The following GLT1D1 variants were observed in gnomAD, a reference collection of about 807,000 sequenced individuals.
GLT1D1 encodes glycosyltransferase 1 domain-containing protein 1.
GLT1D1 carries 21 observed loss-of-function variants against 28.7 expected under a neutral mutation model. The ratio of observed to expected loss-of-function variants is 0.73; its 90% CI spans 0.52 to 1.05. The LOEUF is 1.05. GLT1D1 is among the 50% of genes least tolerant of loss of function. The pLI, the probability that GLT1D1 is intolerant of heterozygous loss-of-function variation, is 0.00. For synonymous variants in GLT1D1, 147 were observed against 124.8 expected, an observed-to-expected ratio of 1.18 and a Z score of -1.19; for missense variants, 343 against 330.6, an observed-to-expected ratio of 1.04 and a Z score of -0.29.
intron 2 of GLT1D1, among the ~76,000 whole-genome samples, chr12:128,880,675 A>G (rs538274): frequency 0.014 from 2,132 of 152,292 alleles, 57 homozygotes; most frequent in African/African-American, 0.049. Context: ...CATACACTAC[A>G]CATTTCTTAG....
At chr12:128,934,092 T>G (rs571466511) in intron 4 of GLT1D1, among the ~76,000 whole-genome samples, 6 of 152,160 alleles carry the variant, frequency 3.9e-5, no homozygotes, top group African/African-American at 1.4e-4. Flanking sequence ...GAACACACCC[T>G]TTAGGTATCA....
chr12:128,913,712 C>T (rs1415651365), intron 4 of GLT1D1, among the ~76,000 whole-genome samples: 1 of 152,240 alleles, frequency 6.6e-6, no homozygotes, highest in Admixed American at 6.5e-5. Flanking sequence ...ATCCTGTCAT[C>T]ACCGTGTCCT....
chr12:128,883,835 G>A (rs944670718), intron 2 of GLT1D1, among the ~76,000 whole-genome samples: 20 of 152,120 alleles, frequency 1.3e-4, no homozygotes, highest in Admixed American at 2.6e-4. Flanking sequence ...ATTAGAGCAA[G>A]GGGTGCAGAC....
chr12:128,875,822 C>CA (rs11444853), intron 1 of GLT1D1, 92 bp from the exon 2 acceptor site: 127,987 of 994,422 alleles, frequency 0.13, 1,517 homozygotes, highest in South Asian at 0.18. Context: ...CAACAACAAC[C>CA]AAAAAAAAAA....
chr12:128,969,107 CTCTCTCTGTCTCTGTTTCTGTAG>C, intron 7 of GLT1D1, among the ~76,000 whole-genome samples: 1 of 151,704 alleles, frequency 6.6e-6, no homozygotes, highest in African/African-American at 2.4e-5. Flanking sequence ...CTGTCTGTGT[CTCTCTCTGTCTCTGTTTCTGTAG>C]CCTTCCTCCC....
chr12:128,961,815 C>T (rs1401667113), intron 7 of GLT1D1, among the ~76,000 whole-genome samples: 1 of 152,210 alleles, frequency 6.6e-6, no homozygotes, highest in Non-Finnish European at 1.5e-5. Context: ...CACCAGCTAT[C>T]TGGACATCCC....
intron 7 of GLT1D1, among the ~76,000 whole-genome samples, chr12:128,975,055 ACCT>A (rs1879634332): frequency 6.6e-6 from 1 of 151,802 alleles, no homozygotes; most frequent in Non-Finnish European, 1.5e-5. Context: ...GCACCTGCAA[ACCT>A]CCTTCCTCAT....
intron 6 of GLT1D1, among the ~76,000 whole-genome samples, chr12:128,955,166 A>G (rs12820284): frequency 0.12 from 18,490 of 152,126 alleles, 1,325 homozygotes; most frequent in South Asian, 0.18. Context: ...CTTCCCTTAC[A>G]AATGTGATTA....
intron 6 of GLT1D1, among the ~76,000 whole-genome samples, chr12:128,948,631 T>G (rs1876373364): frequency 6.6e-6 from 1 of 152,250 alleles, no homozygotes; most frequent in Non-Finnish European, 1.5e-5. Flanking sequence ...CTTATGTCAG[T>G]GTCTACTTAG....
intron 6 of GLT1D1, among the ~76,000 whole-genome samples, chr12:128,954,809 C>T (rs1299444695): frequency 6.6e-6 from 1 of 152,082 alleles, no homozygotes; most frequent in Non-Finnish European, 1.5e-5. Flanking sequence ...AAAACATTAG[C>T]TGAGGATGGT....
chr12:128,871,933 T>A (rs556917138), intron 1 of GLT1D1, among the ~76,000 whole-genome samples: 141 of 152,164 alleles, frequency 9.3e-4, no homozygotes, highest in African/African-American at 2.3e-3. Flanking sequence ...AATTTTTTTT[T>A]AATTTATTTT....
chr12:128,941,208 C>T (rs776934559), intron 4 of GLT1D1, among the ~76,000 whole-genome samples: 9 of 152,276 alleles, frequency 5.9e-5, no homozygotes, highest in South Asian at 2.1e-4. Flanking sequence ...TGGCACATCA[C>T]GTCTACTCAT....
At chr12:128,944,166 C>G (rs1361918599) in intron 4 of GLT1D1, 1 of 354,662 alleles carries the variant, frequency 2.8e-6, no homozygotes, top group Non-Finnish European at 5.5e-6. Flanking sequence ...ATATAATTTT[C>G]AAAGAATTCA....
chr12:128,937,600 T>C (rs1365826497), intron 4 of GLT1D1, among the ~76,000 whole-genome samples: 1 of 152,100 alleles, frequency 6.6e-6, no homozygotes, highest in Non-Finnish European at 1.5e-5. Flanking sequence ...GGGACACAGA[T>C]AGACACTGAT....
chr12:128,968,965 G>A (rs1294699918), intron 7 of GLT1D1, among the ~76,000 whole-genome samples: 2 of 151,992 alleles, frequency 1.3e-5, no homozygotes, highest in Admixed American at 6.6e-5. Flanking sequence ...CTTTCCTGCT[G>A]TGCCTCCCTT....
At chr12:128,865,751 G>A (rs1956496677) in intron 1 of GLT1D1, among the ~76,000 whole-genome samples, 1 of 152,046 alleles carries the variant, frequency 6.6e-6, no homozygotes, top group African/African-American at 2.4e-5. Context: ...GAACCTGGGA[G>A]ACAGAGGTTT....
intron 4 of GLT1D1, among the ~76,000 whole-genome samples, chr12:128,942,756 GT>G (rs61514615): frequency 0.68 from 85,132 of 125,128 alleles, 29,935 homozygotes; most frequent in East Asian, 0.95. Context: ...TTTGTTTTTT[GT>G]TTTTTTTTTT....
chr12:128,963,082 A>G (rs1878127730), intron 7 of GLT1D1, among the ~76,000 whole-genome samples: 1 of 152,176 alleles, frequency 6.6e-6, no homozygotes, highest in African/African-American at 2.4e-5. Flanking sequence ...TCTGCTCTGG[A>G]TCAGGGATAC....
chr12:128,942,735 G>GTTTTTTTTTTTT lies in GLT1D1; in HGVS notation c.376-2588_376-2587insTTTTTTTTTTTT, dbSNP rs1397894974. ...ATCACTTTAGATTCCAATTTTCTTT[G>GTTTTTTTTTTTT]TTTGTTTGTTTTTGTTTTTTGTTTT... On this transcript the variant is annotated intron_variant, in intron 4 of 7. Transcript: ENST00000281703. Among the ~76,000 whole-genome samples the GTTTTTTTTTTTT allele has an allele frequency of 5.1e-4, 46 of 89,548 alleles. 16 individuals are homozygous for GTTTTTTTTTTTT. Among genetic ancestry groups the GTTTTTTTTTTTT allele is most frequent in the African/African-American group, 1.9e-3 (43 of 23,148 alleles). The allele number at this position is 89,548 out of a possible 152,430, so 58.7% of individuals were successfully genotyped here.
Sources: allele counts gnomAD v4.1 joint callset (sites outside exome capture counted in the v4.1 genomes callset), GRCh38; gene constraint gnomAD v4.1.1; transcripts MANE v1.5; gene names NCBI Gene and HGNC (gene_info 2026-07-23, HGNC 2026-07-21).